KLHL3: variants seen among roughly 807,000 people sequenced by gnomAD.
The protein encoded by KLHL3 is kelch like family member 3.
In KLHL3, 19 loss-of-function variants were observed where a neutral mutation model predicts 70.5. The observed-to-expected ratio is 0.27, with a 90% confidence interval of 0.19 to 0.40. KLHL3 has a LOEUF of 0.40. KLHL3 is among the 10% of genes least tolerant of loss of function. The probability of loss-of-function intolerance (pLI) is 1.00; values close to 1 mark genes in which losing one functional copy is unlikely to be tolerated. For missense variants in KLHL3, 512 were observed against 771.1 expected (o/e 0.66, Z 3.98); for synonymous variants, 258 against 290.3 (o/e 0.89, Z 1.13).
At position 137,668,970 on chromosome 5, in the gene KLHL3, T is replaced by C. The variant is rs143535441; in HGVS notation, c.637-6939A>G. On this transcript the variant is annotated intron_variant, in intron 6 of 14. Coordinates refer to ENST00000309755, the MANE Select transcript of KLHL3 (RefSeq NM_017415.3). ...GAAGTCTCCCTAGAAACCTACCCAG[T>C]TGAATTCTTCTTTCTGACCATACCA... Among the ~76,000 whole-genome samples, 594 of 150,666 alleles carry C rather than the reference T, an allele frequency of 3.9e-3. 7 individuals are homozygous for C. Among genetic ancestry groups the C allele is most frequent in the African/African-American group, 0.014 (565 of 41,376 alleles).
chr5:137,675,497 C>G (rs993763260), intron 6 of KLHL3, among the ~76,000 whole-genome samples: 1 of 152,088 alleles, frequency 6.6e-6, no homozygotes, highest in Non-Finnish European at 1.5e-5. Context: ...TATCTCTAAG[C>G]CTCATGACAA....
intron 8 of KLHL3, among the ~76,000 whole-genome samples, chr5:137,645,571 AT>A (rs1283265611): frequency 1.3e-5 from 2 of 152,168 alleles, no homozygotes; most frequent in East Asian, 1.9e-4. Flanking sequence ...ACAAAAAAAA[AT>A]AAAATAACTA....
intron 2 of KLHL3, among the ~76,000 whole-genome samples, chr5:137,712,073 G>A (rs532659674): frequency 1.1e-4 from 16 of 145,412 alleles, no homozygotes; most frequent in Admixed American, 2.8e-4. Context: ...CATGAGAATC[G>A]CTTGAAACCC....
intron 5 of KLHL3, 123 bp downstream of exon 5, chr5:137,692,162 C>G: frequency 1.2e-6 from 1 of 830,350 alleles, no homozygotes; most frequent in Admixed American, 2.6e-5. Context: ...ACCTGTATCC[C>G]TAACTAAATC....
chr5:137,624,905 A>G (rs1750417401), intron 14 of KLHL3, among the ~76,000 whole-genome samples: 1 of 152,032 alleles, frequency 6.6e-6, no homozygotes, highest in African/African-American at 2.4e-5. Context: ...CACACTCCCC[A>G]AGAAGCTTCC....
chr5:137,644,138 G>A (rs1391610130), intron 8 of KLHL3, among the ~76,000 whole-genome samples: 1 of 152,052 alleles, frequency 6.6e-6, no homozygotes, highest in East Asian at 1.9e-4. Flanking sequence ...GCACAATCTT[G>A]GTTCACTGCA....
At chr5:137,703,701 T>C (rs1752616832) in intron 3 of KLHL3, among the ~76,000 whole-genome samples, 1 of 152,108 alleles carries the variant, frequency 6.6e-6, no homozygotes, top group Non-Finnish European at 1.5e-5. Flanking sequence ...AATGAGATTG[T>C]GAAAGGTGGG....
intron 2 of KLHL3, among the ~76,000 whole-genome samples, chr5:137,712,463 G>C (rs1412737197): frequency 6.6e-6 from 1 of 152,166 alleles, no homozygotes; most frequent in Non-Finnish European, 1.5e-5. Flanking sequence ...CTGGGAAATT[G>C]GCCAAAAGAA....
intron 5 of KLHL3, among the ~76,000 whole-genome samples, chr5:137,678,470 T>C (rs544896703): frequency 5.3e-5 from 8 of 152,334 alleles, no homozygotes; most frequent in Admixed American, 3.9e-4. Flanking sequence ...TAGGTTCAAA[T>C]CCTGGCTTTG....
At chr5:137,714,894 T>C (rs1247501374) in intron 2 of KLHL3, among the ~76,000 whole-genome samples, 2 of 151,932 alleles carry the variant, frequency 1.3e-5, no homozygotes. Context: ...AAAAAAAAGA[T>C]GAGAGCAGAG....
chr5:137,686,556 G>A (rs545960193), intron 5 of KLHL3, among the ~76,000 whole-genome samples: 1 of 152,364 alleles, frequency 6.6e-6, no homozygotes, highest in South Asian at 2.1e-4. Context: ...CTCAAGGCCT[G>A]GGTCCAGGGA....
At chr5:137,718,997 T>G (rs1752948004) in intron 2 of KLHL3, among the ~76,000 whole-genome samples, 1 of 152,372 alleles carries the variant, frequency 6.6e-6, no homozygotes, top group Middle Eastern at 3.4e-3. Context: ...CACACTTCTT[T>G]GGCTATGTGC....
At chr5:137,660,045 A>G (rs1751434699) in intron 7 of KLHL3, among the ~76,000 whole-genome samples, 2 of 152,074 alleles carry the variant, frequency 1.3e-5, no homozygotes, top group Non-Finnish European at 2.9e-5. Flanking sequence ...AATTATACTC[A>G]TTTGAAGTTT....
chr5:137,673,549 A>G (rs897022100), intron 6 of KLHL3: 2 of 152,230 alleles, frequency 1.3e-5, no homozygotes, highest in Non-Finnish European at 2.9e-5. Context: ...AACAAGAGCA[A>G]AAATGGCAAG....
At chr5:137,719,545 A>C (rs1752957831) in intron 2 of KLHL3, among the ~76,000 whole-genome samples, 1 of 152,268 alleles carries the variant, frequency 6.6e-6, no homozygotes, top group Admixed American at 6.5e-5. Context: ...GTACAAAAAA[A>C]CATGTACAGA....
At chr5:137,719,040 C>A (rs535348054) in intron 2 of KLHL3, among the ~76,000 whole-genome samples, 2 of 152,320 alleles carry the variant, frequency 1.3e-5, no homozygotes, top group South Asian at 4.1e-4. Context: ...TCTCCCTATC[C>A]CCACTACCCT....
chr5:137,673,289 G>C (rs1751807042), intron 6 of KLHL3, among the ~76,000 whole-genome samples: 1 of 152,122 alleles, frequency 6.6e-6, no homozygotes, highest in South Asian at 2.1e-4. Context: ...TTCCTGTCCA[G>C]CCTGCCACCA....
intron 8 of KLHL3, among the ~76,000 whole-genome samples, chr5:137,648,338 C>T (rs903886420): frequency 6.6e-6 from 1 of 152,264 alleles, no homozygotes; most frequent in African/African-American, 2.4e-5. Flanking sequence ...AACTCAGGAG[C>T]AAGCCACCCA....
At chr5:137,695,626 G>A (rs1752428783) in intron 4 of KLHL3, among the ~76,000 whole-genome samples, 1 of 152,156 alleles carries the variant, frequency 6.6e-6, no homozygotes, top group Non-Finnish European at 1.5e-5. Context: ...TACATTCCCA[G>A]AGGCCCTGAA....
Sources: gnomAD v4.1 joint callset for allele counts (sites outside exome capture counted in the v4.1 genomes callset) on GRCh38, gnomAD v4.1.1 for gene constraint, MANE v1.5 for transcripts, NCBI Gene and HGNC (gene_info 2026-07-23, HGNC 2026-07-21) for gene names.